FAT1: variants seen among roughly 807,000 people sequenced by gnomAD.
The protein encoded by FAT1 is protocadherin Fat 1.
In FAT1, 171 loss-of-function variants were observed where a neutral mutation model predicts 329.8. That is an observed-to-expected ratio of 0.52 (90% CI 0.46 to 0.59). The LOEUF is 0.59. Ranked by LOEUF, FAT1 falls within the 20% of genes least tolerant of loss-of-function variation. FAT1 has a pLI of 0.00. For missense variants in FAT1, 5,672 were observed against 5,774.4 expected (o/e 0.98, Z 0.57); for synonymous variants, 2,233 against 2,228.6 (o/e 1.00, Z -0.06).
intron 1 of FAT1, among the ~76,000 whole-genome samples, chr4:186,710,468 C>T (rs923667455): frequency 2.6e-5 from 4 of 152,124 alleles, no homozygotes; most frequent in Admixed American, 6.5e-5. Context: ...TGTCTCATTT[C>T]GCTCTATGTA....
upstream of FAT1, among the ~76,000 whole-genome samples, chr4:186,725,465 C>T (rs1012652487): frequency 6.6e-6 from 1 of 151,716 alleles, no homozygotes. This position sits in a 1 kb window ranked among gnomAD's most constrained non-coding sequence, Gnocchi z 5.4. Context: ...TAAGTAATAA[C>T]GCTTCCTAGG....
intron 2 of FAT1, among the ~76,000 whole-genome samples, chr4:186,702,919 T>C (rs1228388406): frequency 6.6e-6 from 1 of 152,174 alleles, no homozygotes; most frequent in South Asian, 2.1e-4. Flanking sequence ...CCGCTAAACA[T>C]CTTTGTTAAA....
chr4:186,702,723 T>C (rs1431688824), intron 2 of FAT1, among the ~76,000 whole-genome samples: 1 of 152,200 alleles, frequency 6.6e-6, no homozygotes, highest in Non-Finnish European at 1.5e-5. Context: ...ACCAAATTTA[T>C]TCCACACACC....
chr4:186,624,273 C>G (rs1203889996), intron 9 of FAT1, among the ~76,000 whole-genome samples: 1 of 151,816 alleles, frequency 6.6e-6, no homozygotes, highest in East Asian at 1.9e-4. Flanking sequence ...GACAAACAGG[C>G]TAATTTTTAC....
At chr4:186,652,170 T>C (rs1342665157) in intron 3 of FAT1, among the ~76,000 whole-genome samples, 2 of 152,214 alleles carry the variant, frequency 1.3e-5, no homozygotes, top group African/African-American at 4.8e-5. Context: ...TGAAAATTGA[T>C]GGCATTAAAA....
intron 7 of FAT1, among the ~76,000 whole-genome samples, chr4:186,633,123 A>G (rs1177265480): frequency 6.6e-6 from 1 of 152,202 alleles, no homozygotes; most frequent in Non-Finnish European, 1.5e-5. Flanking sequence ...TGAGAACCAA[A>G]GAAAAGTAAT....
At chr4:186,723,939 T>A (rs1745602494), upstream of FAT1, 1 of 150,804 alleles carries the variant, frequency 6.6e-6, no homozygotes, top group Non-Finnish European at 1.5e-5. Context: ...TCGAGCCCAC[T>A]TTCCCCGGCT....
Position 186,606,203 on chromosome 4 carries a change from T to C in FAT1, c.10217A>G (p.Tyr3406Cys). ...KLLDRETISG[Y>C]TLTVQASDNG... The stretch of plus-strand genomic sequence containing the variant: ...ATCAGAAGCTTGAACCGTGAGCGTG[T>C]AACCTGAAATCTTTTCAGGCAAAAG... The change falls in exon 17 of 27, where the codon TAC becomes TGC. Residue 3406 changes from tyrosine to cysteine, a missense_variant. Coordinates refer to ENST00000441802, the MANE Select transcript of FAT1 (RefSeq NM_005245.4). The C allele has an allele frequency of 6.2e-7, 1 of 1,612,742 alleles. No homozygotes were observed. The highest frequency in any genetic ancestry group is 8.5e-7 in the Non-Finnish European group (1 of 1,179,598).
At chr4:186,668,126 C>T (rs111688178) in intron 2 of FAT1, among the ~76,000 whole-genome samples, 5 of 152,132 alleles carry the variant, frequency 3.3e-5, no homozygotes, top group African/African-American at 4.8e-5. Context: ...AGGCACTGCA[C>T]AAAGTGGGTG....
intron 3 of FAT1, among the ~76,000 whole-genome samples, chr4:186,642,869 A>G (rs1741167256): frequency 6.6e-6 from 1 of 152,244 alleles, no homozygotes; most frequent in Admixed American, 6.5e-5. Flanking sequence ...ATCTGCTGGA[A>G]GAGAAGCTTC....
chr4:186,688,244 CCA>C (rs1396308495), intron 2 of FAT1, among the ~76,000 whole-genome samples: 1 of 151,952 alleles, frequency 6.6e-6, no homozygotes, highest in Non-Finnish European at 1.5e-5. Context: ...ACAGAGGCAC[CCA>C]CAGAGATATG....
rs763719588 is a variant in FAT1 at position 186,709,492 on chromosome 4, C to T, written c.336G>A (p.Val112=). 3 of 1,613,908 alleles carry T rather than the reference C, an allele frequency of 1.9e-6. No homozygotes were observed. The South Asian group carries it at 3.3e-5, about 18-fold the overall frequency. The change falls in exon 2 of 27, where the codon GTG becomes GTA. Residue 112 remains valine, a synonymous_variant. Coordinates refer to ENST00000441802, the MANE Select transcript of FAT1 (RefSeq NM_005245.4). The part of the protein sequence containing the change: ...GGNTAILNRE[V]KDHYTLIVKA... ...TCACTATCAATGTGTAGTGATCCTTCACTTCTCTATTAAGAATAGCTGTAT... is the reference window on the plus strand; with the variant it reads ...TCACTATCAATGTGTAGTGATCCTTTACTTCTCTATTAAGAATAGCTGTAT...
intron 7 of FAT1, among the ~76,000 whole-genome samples, chr4:186,632,511 T>A (rs1740645187): frequency 6.6e-6 from 1 of 152,176 alleles, no homozygotes; most frequent in East Asian, 1.9e-4. Flanking sequence ...AGATTTTGCT[T>A]GTCTCTAGAA....
intron 2 of FAT1, among the ~76,000 whole-genome samples, chr4:186,665,318 TAA>T (rs1742381273): frequency 6.6e-6 from 1 of 152,142 alleles, no homozygotes; most frequent in East Asian, 1.9e-4. Flanking sequence ...CCAACAGTGT[TAA>T]AGTGTTCCTA....
intron 3 of FAT1, among the ~76,000 whole-genome samples, chr4:186,658,697 C>T (rs934692291): frequency 4.1e-4 from 62 of 152,110 alleles, no homozygotes; most frequent in Admixed American, 9.8e-4. Context: ...AAATTGTCGC[C>T]GACATGAAAA....
Position 186,617,756 on chromosome 4 carries a change from C to A in FAT1, c.8830G>T (p.Asp2944Tyr), listed in dbSNP as rs766795127. The A allele has an allele frequency of 1.9e-6, 3 of 1,611,730 alleles. No individual in the cohort carries two copies. The highest frequency in any genetic ancestry group is 2.5e-6 in the Non-Finnish European group (3 of 1,178,510). The change falls in exon 10 of 27, where the codon GAT (aspartate) becomes TAT (tyrosine). Residue 2944 changes from aspartate (D) to tyrosine (Y), a missense_variant. This residue lies in a region of FAT1 where 3,966 missense variants were observed against 3,915.2 expected (regional missense o/e 1.01). Transcript: ENST00000441802. ...GGVIAILSTT[D>Y]ADSEEINRQV... ...CTGTTGATCTCTTCAGAATCAGCAT[C>A]CGTGGTACTTAAGATGGCAATCACC...
At chr4:186,592,467 T>C (rs924166382) in intron 26 of FAT1, among the ~76,000 whole-genome samples, 3 of 122,048 alleles carry the variant, frequency 2.5e-5, no homozygotes, top group Admixed American at 1.8e-4. Context: ...CCAGATCTCA[T>C]GTAAATCACT....
chr4:186,615,697 T>G (rs139621263), intron 11 of FAT1, among the ~76,000 whole-genome samples: 1 of 152,170 alleles, frequency 6.6e-6, no homozygotes, highest in African/African-American at 2.4e-5. Flanking sequence ...CCAACCCAGG[T>G]TGGCACTGCA....
rs2126475225 is a variant in FAT1 at position 186,613,219 on chromosome 4, A to T, written c.9353T>A (p.Val3118Glu). The T allele has an allele frequency of 1.2e-6, 2 of 1,613,886 alleles. No individual in the cohort carries two copies. Among genetic ancestry groups the T allele is most frequent in the Non-Finnish European group, 1.7e-6 (2 of 1,179,810 alleles). The change falls in exon 13 of 27, where the codon GTG becomes GAG. Residue 3118 changes from valine to glutamate, a missense_variant. Val to Glu is a moderately radical substitution (Grantham distance 121). This residue lies in a region of FAT1 where 3,966 missense variants were observed against 3,915.2 expected (regional missense o/e 1.01). Transcript: ENST00000441802. ...QASIVLTLED[V>E]NDNAPEFSAD... ...AGAGAATTCGGGGGCGTTATCGTTC[A>T]CATCTTCTAGCGTGAGCACAATACT...
Sources: allele counts gnomAD v4.1 joint callset (sites outside exome capture counted in the v4.1 genomes callset), GRCh38; gene constraint gnomAD v4.1.1; regional missense constraint gnomAD v4.1.1; non-coding constraint Gnocchi (gnomAD v3.1); transcripts MANE v1.5; gene names NCBI Gene and HGNC (gene_info 2026-07-23, HGNC 2026-07-21).